WWOX: variants seen among roughly 807,000 people sequenced by gnomAD.
WWOX encodes the protein WW domain-containing oxidoreductase.
A neutral mutation model predicts 46.2 loss-of-function variants in WWOX; 69 were observed. The observed-to-expected ratio is 1.49, with a 90% CI of 1.23 to 1.82. The LOEUF is 1.82. Ranked by LOEUF, WWOX falls within the 40% of genes most tolerant of loss-of-function variation. The pLI is 0.00. For missense variants in WWOX, 919 were observed against 542.6 expected (o/e 1.69, Z -6.89); for synonymous variants, 359 against 202.6 (o/e 1.77, Z -6.56).
chr16:78,257,625 A>C (rs950857312), intron 5 of WWOX, among the ~76,000 whole-genome samples: 5 of 152,146 alleles, frequency 3.3e-5, no homozygotes, highest in Non-Finnish European at 7.4e-5. Context: ...CAAGGAATGG[A>C]ATCTGATGTC....
At chr16:79,148,157 T>C (rs1214942921) in intron 8 of WWOX, among the ~76,000 whole-genome samples, 1 of 152,206 alleles carries the variant, frequency 6.6e-6, no homozygotes, top group Non-Finnish European at 1.5e-5. Context: ...GGTAACCATA[T>C]ATCCCAAATA....
chr16:79,072,100 C>G (rs1198258401), intron 8 of WWOX, among the ~76,000 whole-genome samples: 1 of 152,016 alleles, frequency 6.6e-6, no homozygotes, highest in African/African-American at 2.4e-5. Flanking sequence ...TTGGCCAAAA[C>G]AGTGAGACTC....
chr16:78,122,068 C>T (rs757460101), intron 4 of WWOX, among the ~76,000 whole-genome samples: 3 of 152,138 alleles, frequency 2.0e-5, no homozygotes, highest in Non-Finnish European at 4.4e-5. Flanking sequence ...AACTTTTATA[C>T]AGTACATTGT....
Position 78,825,609 on chromosome 16 carries a change from G to C in WWOX, c.1057-385999G>C, listed in dbSNP as rs752494043. On this transcript the variant is annotated intron_variant, in intron 8 of 8. Coordinates refer to ENST00000566780, the MANE Select transcript of WWOX (RefSeq NM_016373.4). Reference sequence around the variant, plus strand: ...GAGTCTGCAGTACAAACTCCTAGGAGGGCTTACTGTGCGGAGGGCCTGCGA... The same window carrying C: ...GAGTCTGCAGTACAAACTCCTAGGACGGCTTACTGTGCGGAGGGCCTGCGA... The C allele has an allele frequency of 5.7e-6, 3 of 528,238 alleles. No individual in the cohort carries two copies. The African/African-American group carries it at 5.8e-5, about 10-fold the overall frequency. The allele number at this position is 528,238 out of a possible 1,614,324, so 32.7% of individuals were successfully genotyped here.
At chr16:79,072,436 T>C (rs2048569124) in intron 8 of WWOX, among the ~76,000 whole-genome samples, 1 of 152,218 alleles carries the variant, frequency 6.6e-6, no homozygotes, top group Non-Finnish European at 1.5e-5. Flanking sequence ...ACCTTGGTGT[T>C]GCTACTTTGC....
chr16:79,167,987 C>T (rs1007584336), intron 8 of WWOX, among the ~76,000 whole-genome samples: 1 of 152,156 alleles, frequency 6.6e-6, no homozygotes, highest in Non-Finnish European at 1.5e-5. Flanking sequence ...GAATATGTGA[C>T]CTTTTGTGTC....
chr16:78,648,867 T>C (rs1567462739), intron 8 of WWOX, among the ~76,000 whole-genome samples: 1 of 152,336 alleles, frequency 6.6e-6, no homozygotes, highest in East Asian at 1.9e-4. Context: ...ATTATTTGGG[T>C]TCCCTTTGTT....
chr16:78,843,830 C>T (rs1235176133), intron 8 of WWOX, among the ~76,000 whole-genome samples: 1 of 152,156 alleles, frequency 6.6e-6, no homozygotes, highest in Non-Finnish European at 1.5e-5. Flanking sequence ...TCAGCACAAT[C>T]CCTATTTTTA....
intron 5 of WWOX, among the ~76,000 whole-genome samples, chr16:78,315,084 G>C (rs926816420): frequency 6.6e-6 from 1 of 151,912 alleles, no homozygotes; most frequent in Admixed American, 6.6e-5. Flanking sequence ...GCTATCTATC[G>C]ATTTCTCTTT....
At chr16:78,857,390 G>A (rs1371451888) in intron 8 of WWOX, among the ~76,000 whole-genome samples, 1 of 152,130 alleles carries the variant, frequency 6.6e-6, no homozygotes, top group Non-Finnish European at 1.5e-5. Flanking sequence ...GTATAAAAAG[G>A]TATAAAAAAG....
At chr16:78,625,042 G>T (rs1032550945) in intron 8 of WWOX, among the ~76,000 whole-genome samples, 1 of 152,148 alleles carries the variant, frequency 6.6e-6, no homozygotes, top group Non-Finnish European at 1.5e-5. Flanking sequence ...TTGGGAAGAG[G>T]TGTCTTCCCT....
intron 8 of WWOX, among the ~76,000 whole-genome samples, chr16:79,145,269 C>T (rs2050163754): frequency 6.6e-6 from 1 of 152,108 alleles, no homozygotes; most frequent in African/African-American, 2.4e-5. Flanking sequence ...TGCTCAAATT[C>T]AGAAGTCGTG....
chr16:78,520,932 T>C (rs993314877), intron 8 of WWOX, among the ~76,000 whole-genome samples: 3 of 152,100 alleles, frequency 2.0e-5, no homozygotes, highest in African/African-American at 4.8e-5. Flanking sequence ...GAGCTCAAAA[T>C]AGACAGTGGC....
At chr16:78,389,122 C>A (rs1404856592) in intron 6 of WWOX, among the ~76,000 whole-genome samples, 1 of 152,198 alleles carries the variant, frequency 6.6e-6, no homozygotes, top group African/African-American at 2.4e-5. Flanking sequence ...AGATAACATC[C>A]CCCAGCCAGC....
Position 78,187,339 on chromosome 16 carries a change from G to A in WWOX, c.516+23050G>A, listed in dbSNP as rs570064078. On this transcript the variant is annotated intron_variant, in intron 5 of 8. Coordinates refer to ENST00000566780, the MANE Select transcript of WWOX (RefSeq NM_016373.4). The stretch of plus-strand genomic sequence containing the variant: ...GAACTTAGTCTTTGAGGCCAAGCAC[G>A]GTGGCTCATGTCTGTAATCCTAGCA... Among the ~76,000 whole-genome samples the A allele has an allele frequency of 5.9e-5, 9 of 152,208 alleles. No individual in the cohort carries two copies. In the South Asian group the frequency reaches 6.2e-4, roughly 11 times the overall value.
intron 8 of WWOX, among the ~76,000 whole-genome samples, chr16:79,112,375 T>C (rs1031203922): frequency 1.3e-5 from 2 of 151,956 alleles, no homozygotes; most frequent in Non-Finnish European, 2.9e-5. Flanking sequence ...AGCCAGAGAG[T>C]TGGGGAACAT....
intron 4 of WWOX, among the ~76,000 whole-genome samples, chr16:78,150,916 C>T (rs1460174063): frequency 2.0e-5 from 3 of 152,166 alleles, no homozygotes; most frequent in Admixed American, 2.0e-4. Flanking sequence ...CTCTGTCACC[C>T]ACCCAGGCTG....
intron 5 of WWOX, among the ~76,000 whole-genome samples, chr16:78,384,340 G>T (rs1038851478): frequency 2.1e-4 from 32 of 152,114 alleles, no homozygotes; most frequent in African/African-American, 7.7e-4. Flanking sequence ...GAGGATGAAA[G>T]GTCACTTTGT....
intron 8 of WWOX, among the ~76,000 whole-genome samples, chr16:78,968,737 T>G (rs964175763): frequency 6.6e-6 from 1 of 152,118 alleles, no homozygotes; most frequent in East Asian, 1.9e-4. Context: ...ACCATGCTCA[T>G]TGGTTTTAGG....
Sources: gnomAD v4.1 joint callset for allele counts (sites outside exome capture counted in the v4.1 genomes callset) on GRCh38, gnomAD v4.1.1 for gene constraint, MANE v1.5 for transcripts, NCBI Gene and HGNC (gene_info 2026-07-23, HGNC 2026-07-21) for gene names.